The following NLGN4X variants were observed in gnomAD, a reference collection of about 807,000 sequenced individuals.
NLGN4X encodes neuroligin-4, X-linked.
In NLGN4X, 3 loss-of-function variants were observed where a neutral mutation model predicts 40.3. The observed-to-expected ratio is 0.07, with a 90% CI of 0.03 to 0.19. The LOEUF is 0.19. NLGN4X is among the 10% of genes least tolerant of loss of function. NLGN4X has a pLI of 1.00. For missense variants in NLGN4X, 382 were observed against 708.3 expected, an observed-to-expected ratio of 0.54 and a Z score of 5.23; for synonymous variants, 270 against 306.8, an observed-to-expected ratio of 0.88 and a Z score of 1.25.
chrX:6,012,759 T>C (rs778634706), intron 3 of NLGN4X, among the ~76,000 whole-genome samples: 6 of 111,094 alleles, frequency 5.4e-5, no homozygotes, highest in African/African-American at 1.3e-4. Context: ...CTTGGGAAGA[T>C]AGAGACAAAC....
chrX:6,201,867 A>G (rs913256193), intron 1 of NLGN4X, among the ~76,000 whole-genome samples: 1 of 111,088 alleles, frequency 9.0e-6, no homozygotes, highest in Non-Finnish European at 1.9e-5. Context: ...CAGAAGATAG[A>G]GACCCCTGTG....
At chrX:6,157,102 T>C (rs1188370723) in intron 1 of NLGN4X, among the ~76,000 whole-genome samples, 1 of 93,701 alleles carries the variant, frequency 1.1e-5, no homozygotes. Flanking sequence ...CCTGGGCAAA[T>C]TAGCAAGACC....
intron 2 of NLGN4X, among the ~76,000 whole-genome samples, chrX:6,089,178 T>C (rs1188081573): frequency 8.9e-6 from 1 of 112,233 alleles, no homozygotes; most frequent in Admixed American, 9.5e-5. Flanking sequence ...TGTAATTTAT[T>C]ATGCAATTAA....
chrX:6,015,954 G>A (rs777280366), intron 3 of NLGN4X, among the ~76,000 whole-genome samples: 2 of 111,993 alleles, frequency 1.8e-5, no homozygotes, highest in South Asian at 7.5e-4. Flanking sequence ...AAGTGGAGGT[G>A]GAAGACACAG....
At chrX:6,158,591 C>G (rs1017161877) in intron 1 of NLGN4X, among the ~76,000 whole-genome samples, 4 of 112,228 alleles carry the variant, frequency 3.6e-5, no homozygotes. Context: ...ACTAGAACTC[C>G]CATGCATCAG....
intron 3 of NLGN4X, among the ~76,000 whole-genome samples, chrX:6,017,046 T>C (rs187710936): frequency 9.0e-6 from 1 of 111,534 alleles, no homozygotes; most frequent in Non-Finnish European, 1.9e-5. Context: ...GGTGTCACAA[T>C]GTTGTGCATA....
At chrX:5,905,952 TGCCTGG>T (rs2032150735) in intron 4 of NLGN4X, among the ~76,000 whole-genome samples, 1 of 112,279 alleles carries the variant, frequency 8.9e-6, no homozygotes, top group South Asian at 3.7e-4. Flanking sequence ...GGAGCCTCAG[TGCCTGG>T]CTTGTATTTT....
chrX:6,022,712 C>T (rs887802927), intron 3 of NLGN4X, among the ~76,000 whole-genome samples: 1 of 111,525 alleles, frequency 9.0e-6, no homozygotes, highest in Admixed American at 9.6e-5. Context: ...ATGGCTCACA[C>T]ATATCACAAA....
At position 6,210,836 on chromosome X, in the gene NLGN4X, C is replaced by G. The variant is rs745534686; in HGVS notation, c.-306+17705G>C. 3.4e-3 allele frequency among the ~76,000 whole-genome samples: 382 copies of G among 112,150 alleles called. 1 individual carries two copies. The highest frequency in any genetic ancestry group is 0.011 in the African/African-American group (348 of 30,890). On this transcript the variant is annotated intron_variant, in intron 1 of 5. Coordinates refer to ENST00000381095, the MANE Select transcript of NLGN4X (RefSeq NM_181332.3). ...CTAGACCTTGACCTTGCGTGAGTTA[C>G]AAAACTACGAGAAGATCATTTTGAC...
At chrX:6,149,558 T>C (rs2040121399) in intron 2 of NLGN4X, among the ~76,000 whole-genome samples, 1 of 111,577 alleles carries the variant, frequency 9.0e-6, no homozygotes, top group Admixed American at 9.6e-5. Flanking sequence ...GAGGGACTGT[T>C]AGGCACGGAG....
intron 3 of NLGN4X, among the ~76,000 whole-genome samples, chrX:5,924,751 G>A (rs1377208613): frequency 2.7e-5 from 3 of 111,541 alleles, no homozygotes; most frequent in Non-Finnish European, 5.6e-5. Context: ...AAGTAACTCA[G>A]GAATGGAAAA....
At chrX:5,903,895 A>G (rs2032040317) in intron 4 of NLGN4X, 29 bp from the exon 5 acceptor site, 2 of 1,205,065 alleles carry the variant, frequency 1.7e-6, no homozygotes, top group South Asian at 1.8e-5. Context: ...GGACATGCAA[A>G]TGAAAACCCA....
intron 1 of NLGN4X, among the ~76,000 whole-genome samples, chrX:6,173,971 T>C (rs2040664725): frequency 9.0e-6 from 1 of 111,176 alleles, no homozygotes; most frequent in Non-Finnish European, 1.9e-5. Flanking sequence ...TGAGGCAGGA[T>C]TTTTTGAACC....
intron 2 of NLGN4X, among the ~76,000 whole-genome samples, chrX:6,074,224 G>A (rs948002107): frequency 5.4e-5 from 6 of 111,154 alleles, no homozygotes; most frequent in Non-Finnish European, 1.1e-4. Context: ...CCATATCCAC[G>A]GGAATTGGGT....
chrX:6,179,644 G>A (rs1429894894), intron 1 of NLGN4X, among the ~76,000 whole-genome samples: 1 of 112,084 alleles, frequency 8.9e-6, no homozygotes, highest in Non-Finnish European at 1.9e-5. Context: ...TCCATATGGT[G>A]TTCACACCAT....
At chrX:5,961,937 C>A (rs1049666405) in intron 3 of NLGN4X, among the ~76,000 whole-genome samples, 71 of 112,116 alleles carry the variant, frequency 6.3e-4, no homozygotes, top group African/African-American at 2.1e-3. Context: ...CATCTCTCTA[C>A]GATATGTGAT....
chrX:6,178,720 G>A (rs762943530), intron 1 of NLGN4X, among the ~76,000 whole-genome samples: 19 of 112,164 alleles, frequency 1.7e-4, no homozygotes, highest in Non-Finnish European at 2.4e-4. Context: ...CATAGCCATC[G>A]TGCAAATCCT....
chrX:6,032,750 C>T (rs2036903624), intron 2 of NLGN4X: 1 of 1,141,582 alleles, frequency 8.8e-7, no homozygotes, highest in African/African-American at 1.8e-5. Context: ...TGTGTTGGCT[C>T]CTGGGGTCAT....
At chrX:6,022,415 G>C (rs890144103) in intron 3 of NLGN4X, among the ~76,000 whole-genome samples, 1 of 112,135 alleles carries the variant, frequency 8.9e-6, no homozygotes, top group South Asian at 3.7e-4. Flanking sequence ...TTAAAGAAAA[G>C]AAATATTGTT....
Sources: gnomAD v4.1 joint callset for allele counts (sites outside exome capture counted in the v4.1 genomes callset) on GRCh38, gnomAD v4.1.1 for gene constraint, MANE v1.5 for transcripts, NCBI Gene and HGNC (gene_info 2026-07-23, HGNC 2026-07-21) for gene names.